TRPM3: variants seen among roughly 807,000 people sequenced by gnomAD.
TRPM3 encodes transient receptor potential cation channel subfamily M member 3, also known as long transient receptor potential channel 3.
A neutral mutation model predicts 181.2 loss-of-function variants in TRPM3; 77 were observed. The observed-to-expected ratio is 0.42, with a 90% CI of 0.35 to 0.51. The LOEUF (loss-of-function observed/expected upper bound fraction) is 0.51. Ranked by LOEUF, TRPM3 falls within the 20% of genes least tolerant of loss-of-function variation. The pLI is 0.01. For synonymous variants in TRPM3, 745 were observed against 796.4 expected, an observed-to-expected ratio of 0.94 and a Z score of 1.09; for missense variants, 1,759 against 2,196.7, an observed-to-expected ratio of 0.80 and a Z score of 3.98.
At chr9:71,362,408 T>G (rs2092187050) in intron 1 of TRPM3, among the ~76,000 whole-genome samples, 1 of 151,850 alleles carries the variant, frequency 6.6e-6, no homozygotes, top group South Asian at 2.1e-4. Context: ...GCAAGAAGGG[T>G]GTTGGTGCTG....
intron 1 of TRPM3, among the ~76,000 whole-genome samples, chr9:70,990,459 A>G (rs536591945): frequency 1.3e-5 from 2 of 152,308 alleles, no homozygotes. Context: ...ATAACAAGAT[A>G]GAAGCTTTCA....
At chr9:71,238,300 C>T (rs2081479081) in intron 1 of TRPM3, among the ~76,000 whole-genome samples, 1 of 152,130 alleles carries the variant, frequency 6.6e-6, no homozygotes, top group Non-Finnish European at 1.5e-5. Context: ...CCCTACACAT[C>T]ATTCTCTAAC....
chr9:71,024,184 C>T (rs1050587260), intron 1 of TRPM3, among the ~76,000 whole-genome samples: 5 of 152,074 alleles, frequency 3.3e-5, no homozygotes, highest in Non-Finnish European at 7.4e-5. Flanking sequence ...TATTAAAAAA[C>T]ATATAAATAA....
chr9:70,941,177 G>A (rs1017027275), intron 1 of TRPM3, among the ~76,000 whole-genome samples: 3 of 152,160 alleles, frequency 2.0e-5, no homozygotes, highest in African/African-American at 7.2e-5. Flanking sequence ...TAGACTGGGA[G>A]AGACAGACCC....
chr9:71,300,470 A>G (rs2086665360), intron 1 of TRPM3, among the ~76,000 whole-genome samples: 2 of 152,166 alleles, frequency 1.3e-5, no homozygotes, highest in Admixed American at 1.3e-4. Flanking sequence ...TGAAGAAGTA[A>G]ATAGAAGACT....
chr9:71,026,478 G>A (rs1461030274), intron 1 of TRPM3, among the ~76,000 whole-genome samples: 1 of 152,062 alleles, frequency 6.6e-6, no homozygotes, highest in Non-Finnish European at 1.5e-5. Flanking sequence ...TCATGTACTC[G>A]CCCATGGCCA....
chr9:71,301,504 T>C (rs1373944701), intron 1 of TRPM3, among the ~76,000 whole-genome samples: 1 of 152,150 alleles, frequency 6.6e-6, no homozygotes, highest in African/African-American at 2.4e-5. Context: ...TATACAAGAC[T>C]CAGACTAAAT....
At chr9:71,371,077 ATTCAT>A (rs969338659) in intron 1 of TRPM3, among the ~76,000 whole-genome samples, 1 of 149,862 alleles carries the variant, frequency 6.7e-6, no homozygotes, top group African/African-American at 2.4e-5. Context: ...AAAAAAAAAG[ATTCAT>A]TTCAATTATC....
Position 70,912,279 on chromosome 9 carries a change from C to T in TRPM3, c.178-47768G>A, listed in dbSNP as rs562047486. On this transcript the variant is annotated intron_variant, in intron 1 of 25. Transcript: ENST00000677713. Reference sequence around the variant, plus strand: ...TAATTCTCACTTAGTGTTTTTTCCCCGCAAAGGTATGAAGTTAAGAATATT... The same window carrying T: ...TAATTCTCACTTAGTGTTTTTTCCCTGCAAAGGTATGAAGTTAAGAATATT... Among the ~76,000 whole-genome samples, 27 of 152,186 alleles carry T rather than the reference C, an allele frequency of 1.8e-4. No individual in the cohort carries two copies. In the South Asian group the frequency reaches 3.3e-3, roughly 19 times the overall value.
chr9:70,959,794 A>C (rs1019545662), intron 1 of TRPM3, among the ~76,000 whole-genome samples: 2 of 152,136 alleles, frequency 1.3e-5, no homozygotes, highest in African/African-American at 4.8e-5. Flanking sequence ...TTGCGTTATA[A>C]TTTCTCAAAG....
At chr9:71,029,653 T>TTCA (rs1472740440) in intron 1 of TRPM3, among the ~76,000 whole-genome samples, 1 of 152,190 alleles carries the variant, frequency 6.6e-6, no homozygotes, top group African/African-American at 2.4e-5. Flanking sequence ...TCAGTACATA[T>TTCA]GTTCTTGAGA....
intron 1 of TRPM3, among the ~76,000 whole-genome samples, chr9:70,883,797 A>G (rs2096039175): frequency 6.6e-6 from 1 of 152,352 alleles, no homozygotes; most frequent in African/African-American, 2.4e-5. Flanking sequence ...TCACACCACT[A>G]GTAACTGGCA....
chr9:70,981,810 A>G (rs1025916203), intron 1 of TRPM3, among the ~76,000 whole-genome samples: 2 of 152,196 alleles, frequency 1.3e-5, no homozygotes, highest in Admixed American at 1.3e-4. Context: ...AGACACACAT[A>G]ATAGAAAGTT....
At chr9:71,163,138 A>C (rs1335655326) in intron 1 of TRPM3, among the ~76,000 whole-genome samples, 1 of 152,168 alleles carries the variant, frequency 6.6e-6, no homozygotes, top group Non-Finnish European at 1.5e-5. Flanking sequence ...GACAACTTTA[A>C]CCCAAAGAGG....
chr9:70,833,609 C>T (rs947984644), intron 5 of TRPM3, among the ~76,000 whole-genome samples: 2 of 152,138 alleles, frequency 1.3e-5, no homozygotes, highest in Non-Finnish European at 2.9e-5. Context: ...ACTAATCCTA[C>T]TCTTTTCTCT....
intron 1 of TRPM3, among the ~76,000 whole-genome samples, chr9:71,213,253 T>A (rs529937589): frequency 1.3e-5 from 2 of 152,332 alleles, no homozygotes; most frequent in South Asian, 4.1e-4. Context: ...ACATTTCATG[T>A]CATTTTCATG....
chr9:71,007,139 G>C (rs1414867371), intron 1 of TRPM3, among the ~76,000 whole-genome samples: 1 of 144,970 alleles, frequency 6.9e-6, no homozygotes, highest in Non-Finnish European at 1.5e-5. Context: ...AATGACAAAG[G>C]GGTTAATATA....
intron 1 of TRPM3, among the ~76,000 whole-genome samples, chr9:71,210,407 C>T (rs967442974): frequency 6.6e-6 from 1 of 152,114 alleles, no homozygotes; most frequent in African/African-American, 2.4e-5. Flanking sequence ...ATGTAATGCA[C>T]TTGAATCATC....
At chr9:70,949,021 AAATGT>A (rs1330254853) in intron 1 of TRPM3, among the ~76,000 whole-genome samples, 3 of 152,122 alleles carry the variant, frequency 2.0e-5, no homozygotes. Context: ...AATTAGACTT[AAATGT>A]ATGTATTCAT....
Sources: allele counts gnomAD v4.1 joint callset (sites outside exome capture counted in the v4.1 genomes callset), GRCh38; gene constraint gnomAD v4.1.1; transcripts MANE v1.5; gene names NCBI Gene and HGNC (gene_info 2026-07-23, HGNC 2026-07-21).